The following RNF6 variants were observed in gnomAD, a reference collection of about 807,000 sequenced individuals.
RNF6 encodes ring finger protein 6.
RNF6 carries 21 observed loss-of-function variants against 50.1 expected under a neutral mutation model. The observed-to-expected ratio is 0.42, with a 90% CI of 0.30 to 0.60. The LOEUF (loss-of-function observed/expected upper bound fraction) is 0.60, where lower values mean the gene tolerates loss of function less well. Among genes scored for constraint, RNF6 ranks in the 20% least tolerant of loss-of-function variants. The pLI, the probability that RNF6 is intolerant of heterozygous loss-of-function variation, is 0.20. For missense variants in RNF6, 698 were observed against 838.2 expected (o/e 0.83, Z 2.07); for synonymous variants, 255 against 291.8 (o/e 0.87, Z 1.29).
rs375913861 is a variant in RNF6 at position 26,133,243 on chromosome 13, C to A, written n.769-792G>T. Among the ~76,000 whole-genome samples the A allele has an allele frequency of 6.6e-5, 10 of 152,284 alleles. No individual in the cohort carries two copies. In the South Asian group the frequency reaches 1.0e-3, roughly 16 times the overall value. On this transcript the variant is annotated intron_variant and non_coding_transcript_variant, in intron 5 of 5. Transcript: ENST00000468480. ...TACCTTTCCCCTATAGGTAAAGTGT[C>A]ATTTTTCTCTCACTGCTGTCAACAT...
chr13:26,190,887 T>C (rs1367448628), intron 5 of RNF6, among the ~76,000 whole-genome samples: 1 of 152,198 alleles, frequency 6.6e-6, no homozygotes, highest in African/African-American at 2.4e-5. Context: ...AGTATCAACA[T>C]TGTGATCTTT....
intron 5 of RNF6, among the ~76,000 whole-genome samples, chr13:26,149,858 T>C (rs1871457555): frequency 7.5e-6 from 1 of 133,286 alleles, no homozygotes. Flanking sequence ...AGTGTATATA[T>C]AATGTGTGTG....
intron 5 of RNF6, among the ~76,000 whole-genome samples, chr13:26,195,158 G>T (rs1390566979): frequency 6.6e-6 from 1 of 152,196 alleles, no homozygotes. Context: ...AATGGATAAA[G>T]TAGACAGCAT....
At chr13:26,185,052 A>C (rs115431554) in intron 5 of RNF6, among the ~76,000 whole-genome samples, 3,176 of 152,282 alleles carry the variant, frequency 0.021, 117 homozygotes, top group African/African-American at 0.073. Flanking sequence ...GCTGTAGTGA[A>C]GTGGCACAAA....
chr13:26,215,373 G>A lies in RNF6; in HGVS notation c.509C>T (p.Thr170Ile). 1 of 1,614,168 alleles carries A rather than the reference G, an allele frequency of 6.2e-7. No individual in the cohort carries two copies. The highest frequency in any genetic ancestry group is 8.5e-7 in the Non-Finnish European group (1 of 1,180,016). ...GTTACTATCTGAAAGTGGAATGTCT[G>A]TATAATCTTCTCCATGAATTTCAAA... is the stretch of plus-strand genomic sequence containing the variant. ...RGFEIHGEDY[T>I]DIPLSDSNRD... The change falls in exon 5 of 5, where the codon ACA becomes ATA. Residue 170 changes from threonine to isoleucine, a missense_variant. Transcript: ENST00000381588.
intron 5 of RNF6, among the ~76,000 whole-genome samples, chr13:26,194,207 C>A (rs1868570186): frequency 6.6e-6 from 1 of 152,008 alleles, no homozygotes; most frequent in Non-Finnish European, 1.5e-5. Flanking sequence ...GTGTGAGCAT[C>A]AAATTAAATT....
chr13:26,220,146 T>C (rs1485743262), intron 2 of RNF6, among the ~76,000 whole-genome samples: 1 of 152,234 alleles, frequency 6.6e-6, no homozygotes, highest in Non-Finnish European at 1.5e-5. Flanking sequence ...GGCTCATGAA[T>C]GTAATATTAT....
At chr13:26,163,039 G>A (rs1485691501) in intron 5 of RNF6, among the ~76,000 whole-genome samples, 5 of 152,184 alleles carry the variant, frequency 3.3e-5, no homozygotes, top group African/African-American at 9.7e-5. Context: ...GGCCGGGCGC[G>A]GTGGCTCATG....
rs549462514 is a variant in RNF6, at chr13:26,215,536, T to C, written c.346A>G (p.Thr116Ala). The change falls in exon 5 of 5, where the codon ACC (threonine) becomes GCC (alanine). Residue 116 changes from threonine (T) to alanine (A), a missense_variant. Physicochemically the swap from Thr to Ala is moderately conservative, Grantham distance 58 (BLOSUM62 0). Transcript: ENST00000381588. ...GTTGCATTTCCTGTGCGCCGAAAGG[T>C]GTTCAACCATTCTAGAAGAGAATCT... is the stretch of plus-strand genomic sequence containing the variant. Reference protein sequence around the residue: ...HEDSLLEWLNTFRRTGNATRS... With the variant: ...HEDSLLEWLNAFRRTGNATRS... The C allele has an allele frequency of 6.2e-7, 1 of 1,612,602 alleles. No homozygotes were observed. Among genetic ancestry groups the C allele is most frequent in the African/African-American group, 1.3e-5 (1 of 75,028 alleles).
At chr13:26,173,937 G>A (rs751970341) in intron 5 of RNF6, among the ~76,000 whole-genome samples, 7 of 122,392 alleles carry the variant, frequency 5.7e-5, no homozygotes, top group South Asian at 2.7e-4. Context: ...GCAACAGAGC[G>A]AGACTCCGTC....
At chr13:26,165,652 C>T (rs1030299676) in intron 5 of RNF6, among the ~76,000 whole-genome samples, 1 of 152,224 alleles carries the variant, frequency 6.6e-6, no homozygotes, top group Non-Finnish European at 1.5e-5. Flanking sequence ...GTATGTGAAA[C>T]ATGGAGTCAA....
At chr13:26,176,184 C>T (rs1291887551) in intron 5 of RNF6, among the ~76,000 whole-genome samples, 9 of 152,206 alleles carry the variant, frequency 5.9e-5, no homozygotes, top group African/African-American at 1.4e-4. Context: ...AACTGAAATT[C>T]GCCCTTCCTA....
intron 5 of RNF6, among the ~76,000 whole-genome samples, chr13:26,178,717 G>A (rs887360861): frequency 2.6e-5 from 4 of 151,118 alleles, no homozygotes; most frequent in African/African-American, 4.9e-5. Flanking sequence ...GTCATCAGAT[G>A]TATATTAGAT....
intron 5 of RNF6, among the ~76,000 whole-genome samples, chr13:26,178,457 C>T (rs879074567): frequency 6.6e-6 from 1 of 150,826 alleles, no homozygotes; most frequent in Admixed American, 6.6e-5. Context: ...CCCAAAGGCC[C>T]CACGTCCTAA....
At chr13:26,132,788 C>T (rs530159160) in intron 5 of RNF6, among the ~76,000 whole-genome samples, 17 of 152,292 alleles carry the variant, frequency 1.1e-4, no homozygotes, top group Middle Eastern at 3.4e-3. Flanking sequence ...TTTGAACTAT[C>T]GATCACACTT....
chr13:26,149,077 C>T (rs1220059293), intron 5 of RNF6: 8 of 152,086 alleles, frequency 5.3e-5, no homozygotes, highest in Non-Finnish European at 1.0e-4. Context: ...AAAATAGCCT[C>T]ACAGAAATGC....
chr13:26,202,990 A>G (rs1474744762), intron 5 of RNF6, among the ~76,000 whole-genome samples: 1 of 152,236 alleles, frequency 6.6e-6, no homozygotes, highest in African/African-American at 2.4e-5. Flanking sequence ...CATCTTACTT[A>G]ACCCCACTAG....
intron 5 of RNF6, among the ~76,000 whole-genome samples, chr13:26,171,020 A>T (rs1406649765): frequency 1.3e-5 from 2 of 152,236 alleles, no homozygotes; most frequent in Non-Finnish European, 2.9e-5. Context: ...CTTGCATATG[A>T]CACCAAAAGC....
intron 5 of RNF6, among the ~76,000 whole-genome samples, chr13:26,158,689 A>G (rs1180512766): frequency 6.6e-6 from 1 of 152,138 alleles, no homozygotes; most frequent in Non-Finnish European, 1.5e-5. Context: ...ATAAAATTGT[A>G]TATCTATGTC....
Sources: allele counts gnomAD v4.1 joint callset (sites outside exome capture counted in the v4.1 genomes callset), GRCh38; gene constraint gnomAD v4.1.1; transcripts MANE v1.5; gene names NCBI Gene and HGNC (gene_info 2026-07-23, HGNC 2026-07-21).